The following GOLGA8M variants were observed in gnomAD, a reference collection of about 807,000 sequenced individuals.
The protein encoded by GOLGA8M is golgin subfamily A member 8M.
GOLGA8M carries 34 observed loss-of-function variants against 87.7 expected under a neutral mutation model. The ratio of observed to expected loss-of-function variants is 0.39; its 90% CI spans 0.29 to 0.52. GOLGA8M has a LOEUF of 0.52. GOLGA8M is among the 20% of genes least tolerant of loss of function. GOLGA8M has a pLI of 0.80. For missense variants in GOLGA8M, 396 were observed against 682.2 expected, an observed-to-expected ratio of 0.58 and a Z score of 4.67; for synonymous variants, 138 against 250.2, an observed-to-expected ratio of 0.55 and a Z score of 4.23.
Position 28,705,237 on chromosome 15 carries a change from G to A in GOLGA8M, c.1132-10C>T. 1 of 1,597,064 alleles carries A rather than the reference G, an allele frequency of 6.3e-7. No individual in the cohort carries two copies. The highest frequency in any genetic ancestry group is 8.5e-7 in the Non-Finnish European group (1 of 1,179,552). ...TCTTGTTCTCATTGTTCTGGACAGAGAGAAGCAATCAGCAGCCACCCACTG... is the reference window on the plus strand; with the variant it reads ...TCTTGTTCTCATTGTTCTGGACAGAAAGAAGCAATCAGCAGCCACCCACTG... On this transcript the variant is annotated splice_polypyrimidine_tract_variant and intron_variant, in intron 12 of 18. Coordinates refer to ENST00000563027, the MANE Select transcript of GOLGA8M (RefSeq NM_001282468.3).
Position 28,703,547 on chromosome 15 carries a change from T to C in GOLGA8M, c.1277-137A>G. Reference sequence around the variant, plus strand: ...GGAATGAGCTGTTGTTCTTTATTTTTACTTTTAAGAATCAAGATCTTGCTA... The same window carrying C: ...GGAATGAGCTGTTGTTCTTTATTTTCACTTTTAAGAATCAAGATCTTGCTA... On this transcript the variant is annotated intron_variant, in intron 14 of 18. Coordinates refer to ENST00000563027, the MANE Select transcript of GOLGA8M (RefSeq NM_001282468.3). 7 of 551,382 alleles carry C rather than the reference T, an allele frequency of 1.3e-5. No homozygotes were observed. In the South Asian group the frequency reaches 1.5e-4, roughly 11 times the overall value. 34.2% of individuals were successfully genotyped at this position (551,382 alleles called of 1,614,324 possible).
chr15:28,704,576 A>T lies in GOLGA8M; in HGVS notation c.1200+583T>A, dbSNP rs575864398. The stretch of plus-strand genomic sequence containing the variant: ...GCTGGAATCCAGTTTTAATCTAAGG[A>T]GTCTTTTTGTTTTGTTTTCAGACAA... On this transcript the variant is annotated intron_variant, in intron 13 of 18. Coordinates refer to ENST00000563027, the MANE Select transcript of GOLGA8M (RefSeq NM_001282468.3). Among the ~76,000 whole-genome samples the T allele has an allele frequency of 6.8e-3, 1,013 of 149,350 alleles. 11 individuals are homozygous for T. The highest frequency in any genetic ancestry group is 9.0e-3 in the Non-Finnish European group (612 of 67,894).
Position 28,700,343 on chromosome 15 carries a change from GCAT to G in GOLGA8M, c.*1608_*1610del, listed in dbSNP as rs1405812941. 9.4e-4 allele frequency among the ~76,000 whole-genome samples: 102 copies of G among 108,024 alleles called. 1 individual carries two copies. Among genetic ancestry groups the G allele is most frequent in the African/African-American group, 3.4e-3 (87 of 25,512 alleles). The allele number at this position is 108,024 out of a possible 152,430, so 70.9% of individuals were successfully genotyped here. ...GTTTTAACTGTTGAGTCTTTCCCAAGCATCATCAAGTTACGATTTAGGCAATAT... is the reference window on the plus strand; with the variant it reads ...GTTTTAACTGTTGAGTCTTTCCCAAGCATCAAGTTACGATTTAGGCAATAT... On this transcript the variant is annotated 3_prime_UTR_variant, in exon 19 of 19. Transcript: ENST00000563027.
In GOLGA8M at chr15:28,705,060, G is replaced by A. The variant is rs1388201627; in HGVS notation, c.1200+99C>T. ...GGGGTGCTGTGGTCACCAGCCCCCA[G>A]GCTGGAAGCTGCCTCTGGCCTGGTA... On this transcript the variant is annotated intron_variant, in intron 13 of 18. Transcript: ENST00000563027. 3.9e-6 allele frequency: 6 copies of A among 1,555,528 alleles called. No individual in the cohort carries two copies. The South Asian group carries it at 5.7e-5, about 15-fold the overall frequency.
chr15:28,704,051 A>C, intron 13 of GOLGA8M, 134 bp from the exon 14 acceptor site: 1 of 1,541,282 alleles, frequency 6.5e-7, no homozygotes, highest in Non-Finnish European at 8.6e-7. Flanking sequence ...CTTTGCCTCA[A>C]GCTTCCTGCT....
At chr15:28,712,629 C>T (rs2080228028), upstream of GOLGA8M, among the ~76,000 whole-genome samples, 2 of 151,404 alleles carry the variant, frequency 1.3e-5, no homozygotes, top group East Asian at 4.1e-4. Flanking sequence ...AGAGGCCTCC[C>T]ACTCTGGAAG....
chr15:28,712,676 A>T (rs887464846), upstream of GOLGA8M, among the ~76,000 whole-genome samples: 2 of 151,884 alleles, frequency 1.3e-5, no homozygotes, highest in Admixed American at 1.3e-4. Flanking sequence ...CAGCTTTAAA[A>T]CTTTAAAAAA....
rs2079827924 is a variant in GOLGA8M, at chr15:28,702,477, C to T, written c.1555G>A (p.Gly519Arg). ...TTGCACACCCTACCTTCATCTCCTC[C>T]CTGAGCTCCAGCCTGATGGTGTCCT... ...GGGHHQAGAQ[G>R]GDEGEAAGAA... Residue 519 changes from glycine (G) to arginine (R), a missense_variant, in exon 17 of 19, where the codon GGA (glycine) becomes AGA (arginine). Coordinates refer to ENST00000563027, the MANE Select transcript of GOLGA8M (RefSeq NM_001282468.3). 6 of 1,576,296 alleles carry T rather than the reference C, an allele frequency of 3.8e-6. No individual in the cohort carries two copies. Among genetic ancestry groups the T allele is most frequent in the Non-Finnish European group, 5.1e-6 (6 of 1,172,840 alleles).
At chr15:28,711,624 A>G (rs899158104) in intron 1 of GOLGA8M, 2 of 985,042 alleles carry the variant, frequency 2.0e-6, no homozygotes, top group African/African-American at 3.5e-5. Context: ...GACCAGAGGA[A>G]CCAGAAACGA....
Position 28,701,189 on chromosome 15 carries a change from T to A in GOLGA8M, c.*765A>T, listed in dbSNP as rs549449760. Among the ~76,000 whole-genome samples the A allele has an allele frequency of 1.5e-4, 23 of 152,154 alleles. No individual in the cohort carries two copies. The East Asian group carries it at 3.5e-3, about 23-fold the overall frequency. The stretch of plus-strand genomic sequence containing the variant: ...AACTGCTGCAGCTCATGATGCAGTA[T>A]CTTCATGAGCCCAGAGCACATACAA... On this transcript the variant is annotated 3_prime_UTR_variant, in exon 19 of 19. Transcript: ENST00000563027.
chr15:28,705,213 C>A lies in GOLGA8M; in HGVS notation c.1146G>T (p.Lys382Asn). 6.3e-7 allele frequency: 1 copy of A among 1,598,012 alleles called. No homozygotes were observed. Among genetic ancestry groups the A allele is most frequent in the South Asian group, 1.1e-5 (1 of 90,994 alleles). Residue 382 changes from lysine (K) to asparagine (N), a missense_variant, in exon 13 of 19, where the codon AAG (lysine) becomes AAT (asparagine). By Grantham distance (94) the Lys-to-Asn change is moderately conservative (BLOSUM62 0). This residue lies in a region of GOLGA8M where 44 missense variants were observed against 46.7 expected (regional missense o/e 0.94). Coordinates refer to ENST00000563027, the MANE Select transcript of GOLGA8M (RefSeq NM_001282468.3). ...SVFEEPNNEN[K>N]STLQLEQQVK... ...CTTGCTGCTCCAACTGCAGTGTGCTCTTGTTCTCATTGTTCTGGACAGAGA... is the reference window on the plus strand; with the variant it reads ...CTTGCTGCTCCAACTGCAGTGTGCTATTGTTCTCATTGTTCTGGACAGAGA...
chr15:28,701,685 C>A lies in GOLGA8M; in HGVS notation c.*269G>T, dbSNP rs535239071. The stretch of plus-strand genomic sequence containing the variant: ...TGTTTGAACTTCCACCACGTAAGGG[C>A]AAACTCGATATGCATGCTAATGACC... On this transcript the variant is annotated 3_prime_UTR_variant, in exon 19 of 19. Transcript: ENST00000563027. Among the ~76,000 whole-genome samples, 1 of 152,096 alleles carries A rather than the reference C, an allele frequency of 6.6e-6. No individual in the cohort carries two copies. Among genetic ancestry groups the A allele is most frequent in the East Asian group, 1.9e-4 (1 of 5,168 alleles).
At chr15:28,712,196 C>T (rs1366959447) in intron 1 of GOLGA8M, 80 bp downstream of exon 1, 59 of 1,529,960 alleles carry the variant, frequency 3.9e-5, no homozygotes, top group South Asian at 3.1e-4. Context: ...CCTCAGGAGT[C>T]GTATAGACTC....
At position 28,702,206 on chromosome 15, in the gene GOLGA8M, G is replaced by C. The variant is rs879111009; in HGVS notation, c.1723+8C>G. 9,520 of 1,553,408 alleles carry C rather than the reference G, an allele frequency of 6.1e-3. 733 individuals carry two copies. Among genetic ancestry groups the C allele is most frequent in the East Asian group, 0.01 (456 of 44,460 alleles). The stretch of plus-strand genomic sequence containing the variant: ...TGCCTGCCCACACCACCTGAGGGCT[G>C]TACTCACCACCATGCTTGTCTGCAG... On this transcript the variant is annotated splice_region_variant and intron_variant, in intron 18 of 18. Transcript: ENST00000563027.
intron 15 of GOLGA8M, chr15:28,703,042 C>T: frequency 1.1e-6 from 1 of 935,664 alleles, no homozygotes; most frequent in Non-Finnish European, 1.3e-6. Flanking sequence ...GCACTAGCTC[C>T]AGCGGACTTG....
At chr15:28,703,466 G>A in intron 14 of GOLGA8M, 56 bp from the exon 15 acceptor site, 2 of 566,064 alleles carry the variant, frequency 3.5e-6, no homozygotes, top group South Asian at 2.0e-5. Context: ...GGTACTGTGG[G>A]CCCACCTCTA....
chr15:28,711,927 C>T, intron 1 of GOLGA8M: 1 of 985,056 alleles, frequency 1.0e-6, no homozygotes, highest in Non-Finnish European at 1.2e-6. Flanking sequence ...CCCAAAGTCA[C>T]CCAGGGATGA....
At chr15:28,702,160 A>G (rs1179781926) in intron 18 of GOLGA8M, 31 bp from the exon 19 acceptor site, 1 of 1,577,688 alleles carries the variant, frequency 6.3e-7, no homozygotes, top group Non-Finnish European at 8.5e-7. Flanking sequence ...GGATCTGAGC[A>G]CAGTGGGAGC....
chr15:28,707,711 C>A lies in GOLGA8M; in HGVS notation c.591+37G>T, dbSNP rs750349855. 39 of 1,541,068 alleles carry A rather than the reference C, an allele frequency of 2.5e-5. 1 individual carries two copies. In the South Asian group the frequency reaches 4.6e-4, roughly 18 times the overall value. ...AGGCTCACTCCTCCATCTGCAAAGC[C>A]AGACTCCCAGGGGATGGGGCAGGTG... On this transcript the variant is annotated intron_variant, in intron 8 of 18. Transcript: ENST00000563027.
Sources: allele counts gnomAD v4.1 joint callset (sites outside exome capture counted in the v4.1 genomes callset), GRCh38; gene constraint gnomAD v4.1.1; regional missense constraint gnomAD v4.1.1; transcripts MANE v1.5; gene names NCBI Gene and HGNC (gene_info 2026-07-23, HGNC 2026-07-21).